DPY19L3: variants seen among roughly 807,000 people sequenced by gnomAD.
DPY19L3 encodes the protein dpy-19 like C-mannosyltransferase 3.
A neutral mutation model predicts 92.3 loss-of-function variants in DPY19L3; 51 were observed. The observed-to-expected ratio is 0.55, with a 90% CI of 0.44 to 0.70. The LOEUF (loss-of-function observed/expected upper bound fraction) is 0.70, where lower values mean the gene tolerates loss of function less well. Ranked by LOEUF, DPY19L3 falls within the 30% of genes least tolerant of loss-of-function variation. DPY19L3 has a pLI of 0.00. For synonymous variants in DPY19L3, 309 were observed against 315.2 expected (o/e 0.98, Z 0.21); for missense variants, 706 against 855.9 (o/e 0.82, Z 2.18).
At chr19:32,406,639 C>T (rs965846528) in intron 1 of DPY19L3, among the ~76,000 whole-genome samples, 1 of 152,186 alleles carries the variant, frequency 6.6e-6, no homozygotes, top group South Asian at 2.1e-4. Flanking sequence ...TGAGCCGCCT[C>T]GCCCGGCTAG....
At chr19:32,473,670 A>G (rs987716958) in intron 16 of DPY19L3, among the ~76,000 whole-genome samples, 1 of 152,250 alleles carries the variant, frequency 6.6e-6, no homozygotes, top group Non-Finnish European at 1.5e-5. Flanking sequence ...AGAGTGAAGT[A>G]TTGGAAGTAG....
chr19:32,439,701 C>G (rs1599626974), intron 7 of DPY19L3, 75 bp from the exon 8 acceptor site: 43 of 1,491,832 alleles, frequency 2.9e-5, no homozygotes. Context: ...ATACTGGCTG[C>G]TCTTGAGAAA....
At chr19:32,459,369 C>A (rs1437916337) in intron 12 of DPY19L3, among the ~76,000 whole-genome samples, 3 of 152,154 alleles carry the variant, frequency 2.0e-5, no homozygotes, top group Non-Finnish European at 2.9e-5. Flanking sequence ...AGTTACCTTG[C>A]CAATTAATGT....
chr19:32,479,722 A>C, intron 17 of DPY19L3: 1 of 336,702 alleles, frequency 3.0e-6, no homozygotes, highest in Admixed American at 3.9e-5. Flanking sequence ...TGGGACGCTC[A>C]GTTTGCATCC....
At chr19:32,451,901 C>T (rs2145557003) in intron 8 of DPY19L3, among the ~76,000 whole-genome samples, 1 of 152,122 alleles carries the variant, frequency 6.6e-6, no homozygotes, top group African/African-American at 2.4e-5. Flanking sequence ...GTGGAGCGAT[C>T]ATAGCTTACT....
At chr19:32,446,629 T>G (rs1463272160) in intron 8 of DPY19L3, among the ~76,000 whole-genome samples, 1 of 152,162 alleles carries the variant, frequency 6.6e-6, no homozygotes, top group Non-Finnish European at 1.5e-5. Context: ...AACAGAACAT[T>G]ATATAATGAT....
chr19:32,411,171 G>T (rs1968166675), intron 2 of DPY19L3, 68 bp from the exon 3 acceptor site: 1 of 1,505,046 alleles, frequency 6.6e-7, no homozygotes, highest in African/African-American at 1.4e-5. Flanking sequence ...TTGATAATCT[G>T]AAGTAGAACT....
intron 4 of DPY19L3, among the ~76,000 whole-genome samples, chr19:32,433,522 G>A (rs1599617269): frequency 1.3e-5 from 2 of 152,132 alleles, no homozygotes; most frequent in East Asian, 3.9e-4. Context: ...GCCTCAAGCA[G>A]TCCTCCTGCC....
At chr19:32,468,840 A>C (rs1488840321) in intron 16 of DPY19L3, 27 bp downstream of exon 16, 8 of 1,606,484 alleles carry the variant, frequency 5.0e-6, no homozygotes, top group Non-Finnish European at 6.8e-6. Flanking sequence ...TAACTTTTAA[A>C]ATTTTAAGTG....
intron 8 of DPY19L3, among the ~76,000 whole-genome samples, chr19:32,443,255 G>A (rs1244661843): frequency 6.6e-6 from 1 of 152,226 alleles, no homozygotes; most frequent in African/African-American, 2.4e-5. Context: ...CCAGATGTCA[G>A]TGGAGGGCAA....
At chr19:32,406,161 G>A (rs1364436813) in intron 1 of DPY19L3, 2 of 151,858 alleles carry the variant, frequency 1.3e-5, no homozygotes, top group Non-Finnish European at 3.0e-5. Context: ...CGGCCGTGCG[G>A]CGAGGCAGGG....
At chr19:32,436,665 G>T in intron 5 of DPY19L3, 98 bp downstream of exon 5, 4 of 1,107,338 alleles carry the variant, frequency 3.6e-6, no homozygotes, top group Admixed American at 2.8e-5. Context: ...ATCTTCAACT[G>T]GTTTAGTAGA....
At chr19:32,468,554 G>C in intron 15 of DPY19L3, 177 bp from the exon 16 acceptor site, 1 of 1,257,498 alleles carries the variant, frequency 8.0e-7, no homozygotes, top group Non-Finnish European at 1.0e-6. Context: ...CTTCCCAGGC[G>C]CTAGTTCCCT....
chr19:32,425,411 C>G (rs144525702), intron 3 of DPY19L3, among the ~76,000 whole-genome samples: 33 of 151,912 alleles, frequency 2.2e-4, no homozygotes, highest in Non-Finnish European at 4.6e-4. Context: ...ATTAGCCAGG[C>G]GTGATGGCAC....
intron 3 of DPY19L3, among the ~76,000 whole-genome samples, chr19:32,430,198 G>C (rs1026964622): frequency 6.6e-6 from 1 of 152,018 alleles, no homozygotes; most frequent in Non-Finnish European, 1.5e-5. Flanking sequence ...AGACCAGCCT[G>C]GGCAACATGG....
Position 32,453,130 on chromosome 19 carries a change from C to T in DPY19L3, c.856-15C>T. 1 of 1,613,648 alleles carries T rather than the reference C, an allele frequency of 6.2e-7. No individual in the cohort carries two copies. Among genetic ancestry groups the T allele is most frequent in the South Asian group, 1.1e-5 (1 of 90,980 alleles). ...GGTAAAATGTCTGTACTCATCTAAT[C>T]TTTGGTTCTTGCAGGCGACATGGCT... On this transcript the variant is annotated splice_polypyrimidine_tract_variant and intron_variant, in intron 8 of 18. Transcript: ENST00000392250.
chr19:32,409,013 C>T (rs1366738961), intron 2 of DPY19L3, among the ~76,000 whole-genome samples: 2 of 152,164 alleles, frequency 1.3e-5, no homozygotes, highest in African/African-American at 4.8e-5. Flanking sequence ...ACAGAATTTA[C>T]ATTATTTACA....
At chr19:32,474,599 C>CT (rs58699279) in intron 16 of DPY19L3, among the ~76,000 whole-genome samples, 33,538 of 151,438 alleles carry the variant, frequency 0.22, 4,765 homozygotes, top group Non-Finnish European at 0.33. Flanking sequence ...AAGCTTTTTT[C>CT]TTTTTTTTTG....
intron 3 of DPY19L3, among the ~76,000 whole-genome samples, chr19:32,415,146 C>G (rs1968335027): frequency 6.6e-6 from 1 of 152,202 alleles, no homozygotes; most frequent in Non-Finnish European, 1.5e-5. Flanking sequence ...AACTTACACT[C>G]TTGAGAAGGA....
Sources: gnomAD v4.1 joint callset for allele counts (sites outside exome capture counted in the v4.1 genomes callset) on GRCh38, gnomAD v4.1.1 for gene constraint, MANE v1.5 for transcripts, NCBI Gene and HGNC (gene_info 2026-07-23, HGNC 2026-07-21) for gene names.